The following MYO5B variants were observed in gnomAD, a reference collection of about 807,000 sequenced individuals.
MYO5B encodes the protein unconventional myosin-Vb.
MYO5B carries 143 observed loss-of-function variants against 229.3 expected under a neutral mutation model. That is an observed-to-expected ratio of 0.62 (90% CI 0.54 to 0.72). The LOEUF (loss-of-function observed/expected upper bound fraction) is 0.72. Among genes scored for constraint, MYO5B ranks in the 30% least tolerant of loss-of-function variants. The probability of loss-of-function intolerance (pLI) is 0.00; values close to 1 mark genes in which losing one functional copy is unlikely to be tolerated. For synonymous variants in MYO5B, 918 were observed against 885.2 expected (o/e 1.04, Z -0.66); for missense variants, 2,321 against 2,331.0 (o/e 1.00, Z 0.09).
intron 10 of MYO5B, 78 bp downstream of exon 10, chr18:49,974,272 A>G (rs1339809352): frequency 6.2e-7 from 1 of 1,600,252 alleles, no homozygotes; most frequent in Non-Finnish European, 8.6e-7. Context: ...AAGCTCTCCA[A>G]TGCCCCTGCT....
chr18:50,173,649 C>G (rs1461925196), intron 1 of MYO5B, among the ~76,000 whole-genome samples: 2 of 152,162 alleles, frequency 1.3e-5, no homozygotes, highest in Non-Finnish European at 2.9e-5. Flanking sequence ...GCTGAGCCAA[C>G]AGGACTTGCT....
chr18:49,837,701 A>T lies in MYO5B; in HGVS notation c.4954T>A (p.Tyr1652Asn), dbSNP rs201466306. Reference sequence around the variant, plus strand: ...TGGCGGATGATAGCTTCCAGGCAGTATGAGTTATCCCCATCTGCCATGCTG... The same window carrying T: ...TGGCGGATGATAGCTTCCAGGCAGTTTGAGTTATCCCCATCTGCCATGCTG... ...SSSMADGDNS[Y>N]CLEAIIRQMN... Residue 1652 changes from tyrosine to asparagine, a missense_variant, in exon 37 of 40, where the codon TAC becomes AAC. By Grantham distance (143) the Tyr-to-Asn change is moderately radical. This residue lies in a region of MYO5B where 208 missense variants were observed against 286.3 expected (regional missense o/e 0.73). Coordinates refer to ENST00000285039, the MANE Select transcript of MYO5B (RefSeq NM_001080467.3). 1.8e-4 allele frequency: 288 copies of T among 1,614,192 alleles called. No homozygotes were observed. The highest frequency in any genetic ancestry group is 2.3e-4 in the Non-Finnish European group (269 of 1,180,024).
chr18:50,109,339 C>A (rs1159386597), intron 1 of MYO5B, among the ~76,000 whole-genome samples: 1 of 152,152 alleles, frequency 6.6e-6, no homozygotes, highest in African/African-American at 2.4e-5. Context: ...ATGAGAAATG[C>A]CCCCAGAAGA....
At chr18:49,995,902 A>G (rs2025982309) in intron 5 of MYO5B, among the ~76,000 whole-genome samples, 1 of 152,206 alleles carries the variant, frequency 6.6e-6, no homozygotes, top group Non-Finnish European at 1.5e-5. Flanking sequence ...CAAAACAGAA[A>G]CTAAAGCAGC....
chr18:49,962,818 A>T, intron 11 of MYO5B, 131 bp downstream of exon 11: 1 of 827,934 alleles, frequency 1.2e-6, no homozygotes, highest in Non-Finnish European at 2.1e-6. Context: ...TGGAGGTACC[A>T]CCAGGAAAAC....
intron 1 of MYO5B, among the ~76,000 whole-genome samples, chr18:50,087,451 T>C (rs2031353929): frequency 6.6e-6 from 1 of 151,404 alleles, no homozygotes; most frequent in Admixed American, 6.6e-5. Flanking sequence ...CACGCGCCTG[T>C]AATCCCAGCT....
In MYO5B at chr18:50,173,989, T is replaced by G. The variant is rs1478760014; in HGVS notation, c.27+20778A>C. On this transcript the variant is annotated intron_variant, in intron 1 of 39. Transcript: ENST00000285039. ...GAAGAGATTGGCATTGGAATCAGAC[T>G]GAGTACAGAAGGTCTGCCCTCACCT... Among the ~76,000 whole-genome samples, 3 of 152,270 alleles carry G rather than the reference T, an allele frequency of 2.0e-5. No homozygotes were observed. The East Asian group carries it at 5.8e-4, about 29-fold the overall frequency.
intron 33 of MYO5B, 114 bp downstream of exon 33, chr18:49,847,032 G>A: frequency 7.4e-7 from 1 of 1,358,834 alleles, no homozygotes; most frequent in Non-Finnish European, 1.0e-6. Context: ...GAGACAGAGG[G>A]TGGGGGCTGT....
intron 12 of MYO5B, among the ~76,000 whole-genome samples, chr18:49,958,832 T>C (rs536232020): frequency 7.7e-4 from 118 of 152,326 alleles, no homozygotes; most frequent in South Asian, 2.9e-3. Context: ...GGTTCTCTCC[T>C]GCCTGGCCTA....
intron 4 of MYO5B, among the ~76,000 whole-genome samples, chr18:50,011,574 G>A (rs72913819): frequency 0.16 from 23,685 of 151,934 alleles, 1,936 homozygotes; most frequent in East Asian, 0.24. Flanking sequence ...GCCTTCCCGA[G>A]GGATGGCTCA....
chr18:49,978,248 A>C (rs893520313), intron 9 of MYO5B, among the ~76,000 whole-genome samples: 2 of 152,106 alleles, frequency 1.3e-5, no homozygotes, highest in African/African-American at 4.8e-5. Context: ...ATCTCCACAC[A>C]AACACTCAGT....
chr18:49,902,504 T>C (rs2024852960), intron 21 of MYO5B, 90 bp downstream of exon 21: 4 of 1,567,312 alleles, frequency 2.6e-6, no homozygotes, highest in South Asian at 1.1e-5. Context: ...GTCTTCGGCA[T>C]GTGCAGTTCC....
At chr18:50,088,747 T>A (rs561828209) in intron 1 of MYO5B, among the ~76,000 whole-genome samples, 1 of 152,348 alleles carries the variant, frequency 6.6e-6, no homozygotes, top group East Asian at 1.9e-4. Context: ...CAAAAGTGAT[T>A]TATAGCATAG....
chr18:49,848,048 G>A (rs55693289), intron 32 of MYO5B, among the ~76,000 whole-genome samples: 53,444 of 152,206 alleles, frequency 0.35, 11,500 homozygotes, highest in Middle Eastern at 0.54. Flanking sequence ...GGGACAGTGG[G>A]CAACCACAGC....
rs2033282414 is a variant in MYO5B, at chr18:50,194,938, C to G, written c.-145G>C. The G allele has an allele frequency of 4.4e-6, 5 of 1,133,000 alleles. No homozygotes were observed. Among genetic ancestry groups the G allele is most frequent in the South Asian group, 4.5e-5 (1 of 22,244 alleles). The allele number at this position is 1,133,000 out of a possible 1,614,324, so 70.2% of individuals were successfully genotyped here. On this transcript the variant is annotated 5_prime_UTR_variant, in exon 1 of 40. Transcript: ENST00000285039. Reference sequence around the variant, plus strand: ...CTTCTCCGACCTGCCCCGCCGGCTTCCCGCAGGCGCCGCGGCCGGCTCGCT... The same window carrying G: ...CTTCTCCGACCTGCCCCGCCGGCTTGCCGCAGGCGCCGCGGCCGGCTCGCT...
chr18:50,153,441 A>G (rs1203212218), intron 1 of MYO5B, among the ~76,000 whole-genome samples: 2 of 152,092 alleles, frequency 1.3e-5, no homozygotes, highest in African/African-American at 4.8e-5. Flanking sequence ...AGCATGAGAC[A>G]TGGGAGAAAT....
At chr18:50,013,430 C>T in intron 4 of MYO5B, among the ~76,000 whole-genome samples, 1 of 152,186 alleles carries the variant, frequency 6.6e-6, no homozygotes, top group Non-Finnish European at 1.5e-5. Context: ...CAAATGACAC[C>T]ATTTCAATAG....
At chr18:50,164,573 G>T (rs1029558296) in intron 1 of MYO5B, among the ~76,000 whole-genome samples, 1 of 101,542 alleles carries the variant, frequency 9.8e-6, no homozygotes, top group East Asian at 3.0e-4. Flanking sequence ...TAATTAAAAA[G>T]AAATTTTCAA....
intron 18 of MYO5B, among the ~76,000 whole-genome samples, chr18:49,908,151 G>GAA (rs368513415): frequency 2.0e-5 from 3 of 151,572 alleles, no homozygotes; most frequent in Non-Finnish European, 4.4e-5. Flanking sequence ...CCCTATTTCG[G>GAA]AAAAAAAACA....
Sources: allele counts gnomAD v4.1 joint callset (sites outside exome capture counted in the v4.1 genomes callset), GRCh38; gene constraint gnomAD v4.1.1; regional missense constraint gnomAD v4.1.1; transcripts MANE v1.5; gene names NCBI Gene and HGNC (gene_info 2026-07-23, HGNC 2026-07-21).